CYP11A1: variants seen among roughly 807,000 people sequenced by gnomAD.
CYP11A1 encodes cytochrome P450 family 11 subfamily A member 1, also known as cholesterol side-chain cleavage enzyme, mitochondrial.
CYP11A1 carries 25 observed loss-of-function variants against 51.9 expected under a neutral mutation model. The observed-to-expected ratio is 0.48, with a 90% CI of 0.35 to 0.67. CYP11A1 has a LOEUF of 0.67. Among genes scored for constraint, CYP11A1 ranks in the 30% least tolerant of loss-of-function variants. The probability of loss-of-function intolerance (pLI) is 0.00; values close to 1 mark genes in which losing one functional copy is unlikely to be tolerated. For synonymous variants in CYP11A1, 245 were observed against 262.1 expected (o/e 0.93, Z 0.63); for missense variants, 578 against 680.9 (o/e 0.85, Z 1.68).
intron 1 of CYP11A1, among the ~76,000 whole-genome samples, chr15:74,351,713 C>T (rs1205969876): frequency 6.6e-6 from 1 of 152,216 alleles, no homozygotes; most frequent in Non-Finnish European, 1.5e-5. Context: ...AGTTGCAATG[C>T]TGTTTGGCCC....
At chr15:74,338,266 CCCTTAG>C in intron 8 of CYP11A1, 163 bp from the exon 9 acceptor site, 1 of 829,296 alleles carries the variant, frequency 1.2e-6, no homozygotes, top group Non-Finnish European at 2.0e-6. Flanking sequence ...TGATAATGCA[CCCTTAG>C]TGCTGCATTT....
In CYP11A1 at chr15:74,343,091, T is replaced by G; in HGVS notation, c.876A>C (p.Gly292=). 7 of 1,613,964 alleles carry G rather than the reference T, an allele frequency of 4.3e-6. No individual in the cohort carries two copies. The highest frequency in any genetic ancestry group is 5.9e-6 in the Non-Finnish European group (7 of 1,180,028). The change falls in exon 5 of 9, where the codon GGA becomes GGC. Residue 292 remains glycine (G), a synonymous_variant. Transcript: ENST00000268053. ...QNFYWELRQK[G]SVHHDYRGIL... ...TGCCACGGTAATCGTGGTGAACACT[T>G]CCTTTCTGTCTCAATTCCCAGTAGA...
chr15:74,357,425 C>A lies in CYP11A1; in HGVS notation c.270-9370G>T, dbSNP rs184905053. Among the ~76,000 whole-genome samples, 214 of 152,320 alleles carry A rather than the reference C, an allele frequency of 1.4e-3. 4 individuals are homozygous for A. In the South Asian group the frequency reaches 0.034, roughly 24 times the overall value. On this transcript the variant is annotated intron_variant, in intron 1 of 8. Transcript: ENST00000268053. ...TCACGTCCAGCTAATCTCACAAACC[C>A]TAACCCCTTCTACAAAGCAACAATG...
At chr15:74,365,963 C>CTGGGACCT in intron 1 of CYP11A1, 1 of 836,100 alleles carries the variant, frequency 1.2e-6, no homozygotes. Flanking sequence ...GGCAGAGTGA[C>CTGGGACCT]TGGGACCTAG....
chr15:74,347,043 C>A (rs897780615), intron 2 of CYP11A1, among the ~76,000 whole-genome samples: 1 of 152,030 alleles, frequency 6.6e-6, no homozygotes. Flanking sequence ...TGAGCTCAAG[C>A]AATCTGTCCG....
chr15:74,359,955 C>G (rs2060699679), intron 1 of CYP11A1, among the ~76,000 whole-genome samples: 1 of 152,134 alleles, frequency 6.6e-6, no homozygotes, highest in Non-Finnish European at 1.5e-5. Context: ...AAGCTTAAGT[C>G]AAATATTTTG....
intron 2 of CYP11A1, among the ~76,000 whole-genome samples, chr15:74,347,433 T>A (rs557151426): frequency 6.6e-6 from 1 of 152,138 alleles, no homozygotes; most frequent in South Asian, 2.1e-4. Flanking sequence ...TTATGAACAA[T>A]TTCGTAGAAA....
intron 8 of CYP11A1, 132 bp from the exon 9 acceptor site, chr15:74,338,235 G>A: frequency 9.5e-7 from 1 of 1,049,180 alleles, no homozygotes; most frequent in South Asian, 1.3e-5. Context: ...ACCAGCTCCT[G>A]GTGTAACCCT....
intron 6 of CYP11A1, 30 bp downstream of exon 6, chr15:74,339,557 T>TG (rs756852433): frequency 6.2e-7 from 1 of 1,607,720 alleles, no homozygotes; most frequent in African/African-American, 1.3e-5. Flanking sequence ...GGATTGGAGT[T>TG]GGGGGCGGCA....
At chr15:74,338,949 G>A (rs1457090250) in intron 7 of CYP11A1, among the ~76,000 whole-genome samples, 181 bp from the exon 8 acceptor site, 2 of 152,128 alleles carry the variant, frequency 1.3e-5, no homozygotes, top group Non-Finnish European at 2.9e-5. Context: ...CCGCCCCTCT[G>A]TAATCCTTAC....
chr15:74,367,077 A>G, intron 1 of CYP11A1: 1 of 571,114 alleles, frequency 1.8e-6, no homozygotes, highest in Non-Finnish European at 3.1e-6. Context: ...CTTGCCACCA[A>G]TTGTTTCAAA....
chr15:74,347,534 C>T (rs2060637963), intron 2 of CYP11A1, among the ~76,000 whole-genome samples: 1 of 152,214 alleles, frequency 6.6e-6, no homozygotes. Context: ...CTCACGGTGG[C>T]AGGTCCCTGC....
intron 1 of CYP11A1, among the ~76,000 whole-genome samples, chr15:74,355,489 A>T (rs2060675051): frequency 6.6e-6 from 1 of 151,934 alleles, no homozygotes; most frequent in Non-Finnish European, 1.5e-5. Flanking sequence ...TCCCAACCCC[A>T]AGTGTTGTTG....
At chr15:74,338,422 TG>T (rs1207642666) in intron 8 of CYP11A1, 148 bp downstream of exon 8, 3 of 846,384 alleles carry the variant, frequency 3.5e-6, no homozygotes, top group African/African-American at 1.7e-5. Context: ...CAGAGAACTG[TG>T]GGAGAGAGCG....
rs746694870 is a variant in CYP11A1, at chr15:74,339,609, C to T, written c.1135G>A (p.Ala379Thr). 1 of 1,614,150 alleles carries T rather than the reference C, an allele frequency of 6.2e-7. No homozygotes were observed. Among genetic ancestry groups the T allele is most frequent in the South Asian group, 1.1e-5 (1 of 91,078 alleles). Residue 379 changes from alanine (A) to threonine (T), a missense_variant, in exon 6 of 9, where the codon GCC (alanine) becomes ACC (threonine). Coordinates refer to ENST00000268053, the MANE Select transcript of CYP11A1 (RefSeq NM_000781.3). Reference protein sequence around the residue: ...TMLQLVPLLKASIKETLRLHP... With the variant: ...TMLQLVPLLKTSIKETLRLHP... ...TGCCTTAGTGTCTCCTTGATGCTGG[C>T]TTTGAGGAGGGGGACCAGCTGTAGC...
At chr15:74,363,864 T>A (rs2141246883) in intron 1 of CYP11A1, 1 of 152,276 alleles carries the variant, frequency 6.6e-6, no homozygotes, top group South Asian at 2.1e-4. Flanking sequence ...AAAAGGGAAT[T>A]TTTTTCAACA....
chr15:74,338,942 C>T (rs2060592980), intron 7 of CYP11A1, among the ~76,000 whole-genome samples, 174 bp from the exon 8 acceptor site: 1 of 152,206 alleles, frequency 6.6e-6, no homozygotes, highest in Non-Finnish European at 1.5e-5. Context: ...CAAGGCCCCG[C>T]CCCTCTGTAA....
chr15:74,365,909 CGTAACACCTCAAAGCGCACGGA>C, intron 1 of CYP11A1: 12 of 985,614 alleles, frequency 1.2e-5, no homozygotes, highest in Non-Finnish European at 1.4e-5. Flanking sequence ...CCAGCGCCCC[CGTAACACCTCAAAGCGCACGGA>C]GTCCGTGTTG....
intron 5 of CYP11A1, among the ~76,000 whole-genome samples, chr15:74,340,702 C>T (rs180675548): frequency 3.6e-4 from 55 of 152,138 alleles, no homozygotes; most frequent in African/African-American, 1.3e-3. Context: ...TTTTCAGATG[C>T]GGAAACTGAA....
Sources: gnomAD v4.1 joint callset for allele counts (sites outside exome capture counted in the v4.1 genomes callset) on GRCh38, gnomAD v4.1.1 for gene constraint, MANE v1.5 for transcripts, NCBI Gene and HGNC (gene_info 2026-07-23, HGNC 2026-07-21) for gene names.